The following VAV1 variants were observed in gnomAD, a reference collection of about 807,000 sequenced individuals.
VAV1 encodes the protein proto-oncogene vav.
A neutral mutation model predicts 128.1 loss-of-function variants in VAV1; 33 were observed. The observed-to-expected ratio is 0.26, with a 90% CI of 0.20 to 0.34. The LOEUF is 0.34. Ranked by LOEUF, VAV1 falls within the 10% of genes least tolerant of loss-of-function variation. The probability of loss-of-function intolerance (pLI) is 1.00; values close to 1 mark genes in which losing one functional copy is unlikely to be tolerated. For synonymous variants in VAV1, 394 were observed against 409.8 expected (o/e 0.96, Z 0.47); for missense variants, 715 against 1,093.7 (o/e 0.65, Z 4.88).
Position 6,833,533 on chromosome 19 carries a change from C to G in VAV1, c.1616C>G (p.Thr539Ser), listed in dbSNP as rs747319718. ...CKACQMLLRG[T>S]FYQGYRCHRC... ...ATGTGTTCCCTGCATCTCAGAGGTA[C>G]CTTCTATCAGGGCTACCGCTGCCAT... Residue 539 changes from threonine (T) to serine (S), a missense_variant, in exon 17 of 27, where the codon ACC becomes AGC. By Grantham distance (58) the Thr-to-Ser change is moderately conservative. Transcript: ENST00000602142. 2 of 1,602,450 alleles carry G rather than the reference C, an allele frequency of 1.2e-6. No homozygotes were observed. The highest frequency in any genetic ancestry group is 2.2e-5 in the South Asian group (2 of 89,876).
At chr19:6,856,516 G>T (rs1333688798) in intron 26 of VAV1, among the ~76,000 whole-genome samples, 15 of 151,934 alleles carry the variant, frequency 9.9e-5, no homozygotes, top group Non-Finnish European at 5.9e-5. Flanking sequence ...GAGGTCAGGA[G>T]TTTGAAACCA....
chr19:6,785,145 A>G (rs1017569848), intron 1 of VAV1, among the ~76,000 whole-genome samples: 6 of 151,758 alleles, frequency 4.0e-5, no homozygotes, highest in African/African-American at 1.5e-4. Flanking sequence ...GTGTTCTCTT[A>G]TCTCCTTCAG....
intron 15 of VAV1, among the ~76,000 whole-genome samples, chr19:6,832,618 A>ATTCCTCCTCCC (rs1568309705): frequency 8.7e-5 from 4 of 45,812 alleles, no homozygotes; most frequent in Non-Finnish European, 1.3e-4. Flanking sequence ...TTCCTCCTCC[A>ATTCCTCCTCCC]CCTCTTCTTC....
At chr19:6,847,975 C>T (rs1021478614) in intron 22 of VAV1, 23 bp from the exon 23 acceptor site, 2 of 1,479,676 alleles carry the variant, frequency 1.4e-6, no homozygotes, top group African/African-American at 1.5e-5. Context: ...CGTGCCACCT[C>T]TGTCCTTGGT....
At chr19:6,804,239 G>T (rs1377891110) in intron 1 of VAV1, among the ~76,000 whole-genome samples, 1 of 150,806 alleles carries the variant, frequency 6.6e-6, no homozygotes, top group Non-Finnish European at 1.5e-5. Flanking sequence ...GAGGCTTCTT[G>T]GTTTCACCCA....
intron 26 of VAV1, 49 bp from the exon 27 acceptor site, chr19:6,857,005 T>G (rs1972820357): frequency 2.5e-6 from 4 of 1,570,838 alleles, no homozygotes; most frequent in Non-Finnish European, 3.5e-6. Context: ...GGAGGGGCAG[T>G]AGGAGGATGT....
chr19:6,828,599 G>A lies in VAV1; in HGVS notation c.1093-23G>A, dbSNP rs1971976743. 3 of 1,613,724 alleles carry A rather than the reference G, an allele frequency of 1.9e-6. No homozygotes were observed. Among genetic ancestry groups the A allele is most frequent in the Admixed American group, 1.7e-5 (1 of 60,000 alleles). ...CCTGGGTCGGCTGTTGGGGGGCCAG[G>A]TTCACCCCTGCCCCCTCCCCAGGAC... On this transcript the variant is annotated intron_variant, in intron 11 of 26. Transcript: ENST00000602142. The surrounding 1 kb of genome is among the most constrained non-coding windows in gnomAD (Gnocchi z 4.5).
chr19:6,825,293 C>G lies in VAV1; in HGVS notation c.724-10C>G. 2.5e-6 allele frequency: 4 copies of G among 1,609,402 alleles called. No individual in the cohort carries two copies. In the South Asian group the frequency reaches 4.4e-5, roughly 18 times the overall value. On this transcript the variant is annotated splice_polypyrimidine_tract_variant and intron_variant, in intron 7 of 26. Transcript: ENST00000602142. ...CTCTGGTCCCAGCCCTCACCCTTCCCTCCGAGTAGGACCTGCTTCGTGTTC... is the reference window on the plus strand; with the variant it reads ...CTCTGGTCCCAGCCCTCACCCTTCCGTCCGAGTAGGACCTGCTTCGTGTTC...
intron 23 of VAV1, among the ~76,000 whole-genome samples, chr19:6,849,855 A>G (rs1234277672): frequency 1.3e-5 from 2 of 152,108 alleles, no homozygotes; most frequent in Admixed American, 1.3e-4. Flanking sequence ...ACCTGGGTCG[A>G]TCCATGTCTT....
chr19:6,779,145 G>A (rs1970710329), intron 1 of VAV1, among the ~76,000 whole-genome samples: 1 of 150,452 alleles, frequency 6.6e-6, no homozygotes, highest in Non-Finnish European at 1.5e-5. Context: ...TCGAACTCCT[G>A]TGCTCAAGCA....
chr19:6,775,937 CCTT>C (rs146452075), intron 1 of VAV1, among the ~76,000 whole-genome samples: 13,079 of 152,138 alleles, frequency 0.086, 626 homozygotes, highest in African/African-American at 0.12. Flanking sequence ...TCTTCGGAGT[CCTT>C]CTCTTTTTTC....
chr19:6,821,961 C>T (rs1447727827), intron 4 of VAV1, 102 bp downstream of exon 4: 3 of 1,484,588 alleles, frequency 2.0e-6, no homozygotes, highest in African/African-American at 2.8e-5. Context: ...TAAGGTCATA[C>T]CCTGGTGTCT....
Position 6,820,888 on chromosome 19 carries a change from C to A in VAV1, c.321+70C>A. The A allele has an allele frequency of 6.9e-7, 1 of 1,447,202 alleles. No individual in the cohort carries two copies. Among genetic ancestry groups the A allele is most frequent in the Non-Finnish European group, 9.7e-7 (1 of 1,031,280 alleles). 89.6% of individuals were successfully genotyped at this position (1,447,202 alleles called of 1,614,324 possible). A position where few individuals can be genotyped will look rare whatever the true frequency, so the allele number is the denominator to read the frequency against. ...TCTATTGACGTCTACACTGGGCAAG[C>A]TAAGGACTGTCAGGGGACAGGCAGA... On this transcript the variant is annotated intron_variant, in intron 2 of 26. Transcript: ENST00000602142. This position sits in a 1 kb window ranked among gnomAD's most constrained non-coding sequence, Gnocchi z 4.4.
intron 21 of VAV1, among the ~76,000 whole-genome samples, chr19:6,837,293 G>T (rs904552603): frequency 2.6e-5 from 4 of 152,174 alleles, no homozygotes. Context: ...CTTCCTACAT[G>T]GGTATGGTAG....
chr19:6,836,314 G>C (rs2047444432), intron 19 of VAV1, 118 bp from the exon 20 acceptor site: 3 of 1,314,716 alleles, frequency 2.3e-6, no homozygotes, highest in Non-Finnish European at 3.1e-6. Context: ...CCACGTCCTT[G>C]TCAACACTTA....
Position 6,834,968 on chromosome 19 carries a change from A to G in VAV1, c.1777+1015A>G, listed in dbSNP as rs377370322. Among the ~76,000 whole-genome samples the G allele has an allele frequency of 7.6e-4, 115 of 151,888 alleles. 1 individual carries two copies. The South Asian group carries it at 0.015, about 20-fold the overall frequency. On this transcript the variant is annotated intron_variant, in intron 19 of 26. Transcript: ENST00000602142. ...ATTAGCGGGGTTCTTGCTTGAGCCC[A>G]GGAGTTCAAGGTTGCAGTGAGCCAT...
chr19:6,840,199 C>T (rs1235070304), intron 21 of VAV1, among the ~76,000 whole-genome samples: 1 of 152,154 alleles, frequency 6.6e-6, no homozygotes, highest in Non-Finnish European at 1.5e-5. Context: ...AGTACCTCAC[C>T]TAAGTGAAAT....
chr19:6,791,849 G>A (rs2431516), intron 1 of VAV1, among the ~76,000 whole-genome samples: 2 of 152,034 alleles, frequency 1.3e-5, no homozygotes, highest in African/African-American at 4.8e-5. Flanking sequence ...TGGGAAGCAT[G>A]AGGCAGAGAG....
At chr19:6,827,939 T>C in intron 9 of VAV1, 137 bp from the exon 10 acceptor site, 1 of 685,142 alleles carries the variant, frequency 1.5e-6, no homozygotes. Flanking sequence ...GATATGATGC[T>C]TTGGCCTCTA....
Sources: gnomAD v4.1 joint callset for allele counts (sites outside exome capture counted in the v4.1 genomes callset) on GRCh38, gnomAD v4.1.1 for gene constraint, Gnocchi (gnomAD v3.1) non-coding constraint, MANE v1.5 for transcripts, NCBI Gene and HGNC (gene_info 2026-07-23, HGNC 2026-07-21) for gene names.